The following NRG1 variants were observed in gnomAD, a reference collection of about 807,000 sequenced individuals.
The protein encoded by NRG1 is neuregulin 1.
A neutral mutation model predicts 63.8 loss-of-function variants in NRG1; 18 were observed. The ratio of observed to expected loss-of-function variants is 0.28; its 90% CI spans 0.19 to 0.42. The LOEUF (loss-of-function observed/expected upper bound fraction) is 0.42. Ranked by LOEUF, NRG1 falls within the 10% of genes least tolerant of loss-of-function variation. The pLI is 1.00. For synonymous variants in NRG1, 302 were observed against 301.3 expected (o/e 1.00, Z -0.02); for missense variants, 762 against 814.7 (o/e 0.94, Z 0.79).
At chr8:31,694,552 G>A (rs1809856980) in intron 1 of NRG1, among the ~76,000 whole-genome samples, 2 of 152,124 alleles carry the variant, frequency 1.3e-5, no homozygotes, top group Non-Finnish European at 2.9e-5. Flanking sequence ...TTATAAGGAA[G>A]GCCAATGAGG....
chr8:31,897,660 A>G (rs573627588), intron 1 of NRG1, among the ~76,000 whole-genome samples: 1 of 152,194 alleles, frequency 6.6e-6, no homozygotes, highest in South Asian at 2.1e-4. Flanking sequence ...TGACCCAGAC[A>G]TTCCCTTCTA....
At chr8:31,842,038 C>T (rs367560675) in intron 1 of NRG1, among the ~76,000 whole-genome samples, 11 of 152,334 alleles carry the variant, frequency 7.2e-5, no homozygotes, top group African/African-American at 2.6e-4. Flanking sequence ...ATTGCAGTTG[C>T]ATAGTTTGCA....
At chr8:31,870,586 T>C (rs1354990025) in intron 1 of NRG1, among the ~76,000 whole-genome samples, 14 of 152,286 alleles carry the variant, frequency 9.2e-5, no homozygotes, top group East Asian at 5.8e-4. Context: ...ATTTTAATTA[T>C]GTAGGAAGGA....
intron 1 of NRG1, among the ~76,000 whole-genome samples, chr8:32,321,647 A>G (rs1409627922): frequency 6.6e-6 from 1 of 151,954 alleles, no homozygotes; most frequent in African/African-American, 2.4e-5. Context: ...TAGTGATCTC[A>G]TAACCTCAAA....
At chr8:32,548,764 G>A in exon 1 of NRG1, 3 of 1,590,816 alleles carry the variant, frequency 1.9e-6, no homozygotes, top group Non-Finnish European at 2.6e-6. Context: ...AAAGGGAAGG[G>A]CAAGAAGAAG....
intron 1 of NRG1, among the ~76,000 whole-genome samples, chr8:31,680,510 T>C (rs1298050672): frequency 6.6e-6 from 1 of 151,628 alleles, no homozygotes; most frequent in African/African-American, 2.4e-5. Context: ...ATGGTGTATA[T>C]GTGCCACATT....
At chr8:32,457,266 C>A (rs1821717263) in intron 1 of NRG1, among the ~76,000 whole-genome samples, 1 of 152,218 alleles carries the variant, frequency 6.6e-6, no homozygotes, top group South Asian at 2.1e-4. Context: ...TATAGAACAT[C>A]TACTTTGTCA....
At chr8:32,073,983 A>G (rs550110259) in intron 1 of NRG1, among the ~76,000 whole-genome samples, 2 of 152,294 alleles carry the variant, frequency 1.3e-5, no homozygotes, top group South Asian at 2.1e-4. Flanking sequence ...CAAAAAGTTT[A>G]CTACATTGTA....
At chr8:32,532,064 GC>G (rs1416127210) in intron 1 of NRG1, among the ~76,000 whole-genome samples, 1 of 152,094 alleles carries the variant, frequency 6.6e-6, no homozygotes, top group African/African-American at 2.4e-5. Context: ...TATTAACATA[GC>G]AGGCAGTAAA....
chr8:31,664,179 A>G (rs960010955), intron 1 of NRG1, among the ~76,000 whole-genome samples: 9 of 152,148 alleles, frequency 5.9e-5, no homozygotes, highest in Admixed American at 5.2e-4. Context: ...TCCAACAGGG[A>G]AAGGCAGGCA....
In NRG1 at chr8:32,126,035, G is replaced by A. The variant is rs370792305; in HGVS notation, c.38-469793G>A. Among the ~76,000 whole-genome samples the A allele has an allele frequency of 9.9e-5, 15 of 151,822 alleles. No individual in the cohort carries two copies. In the East Asian group the frequency reaches 1.6e-3, roughly 16 times the overall value. ...TATGGCCCTTTCTAATTCTTCACAT[G>A]CATGCCTTCACTGGACTGCAGACTC... On this transcript the variant is annotated intron_variant, in intron 1 of 10. Coordinates refer to the NRG1 transcript ENST00000519301.
intron 1 of NRG1, among the ~76,000 whole-genome samples, chr8:32,492,389 G>A (rs1826693850): frequency 6.6e-6 from 1 of 150,968 alleles, no homozygotes; most frequent in African/African-American, 2.4e-5. Flanking sequence ...AATACTCCTA[G>A]AATTTTGCTT....
intron 1 of NRG1, among the ~76,000 whole-genome samples, chr8:32,027,401 TTTCCTTCCTTCCCTCCTTCCTTCC>T (rs1817554421): frequency 6.7e-6 from 1 of 148,874 alleles, no homozygotes. Flanking sequence ...TTTTTATAAA[TTTCCTTCCTTCCCTCCTTCCTTCC>T]TTCCTTCCTT....
intron 1 of NRG1, among the ~76,000 whole-genome samples, chr8:32,024,604 C>T (rs1312711313): frequency 6.6e-6 from 1 of 152,148 alleles, no homozygotes; most frequent in African/African-American, 2.4e-5. Context: ...TTCATCTTTA[C>T]CAAGCACCAT....
At chr8:32,334,490 C>G (rs1446001458) in intron 1 of NRG1, among the ~76,000 whole-genome samples, 16 of 152,140 alleles carry the variant, frequency 1.1e-4, no homozygotes, top group Admixed American at 1.0e-3. Context: ...GCCATTATTA[C>G]TATAAGGAAG....
intron 1 of NRG1, among the ~76,000 whole-genome samples, chr8:31,998,928 C>T (rs1812468858): frequency 6.6e-6 from 1 of 151,964 alleles, no homozygotes; most frequent in Admixed American, 6.6e-5. Flanking sequence ...GACTCAAGGG[C>T]AATGCAGATG....
chr8:32,193,496 C>T (rs141820090), intron 1 of NRG1, among the ~76,000 whole-genome samples: 64 of 152,232 alleles, frequency 4.2e-4, no homozygotes, highest in Non-Finnish European at 8.2e-4. Flanking sequence ...ATCCCCAAGT[C>T]ATTTACATTT....
chr8:32,087,782 G>A (rs958692471), intron 1 of NRG1, among the ~76,000 whole-genome samples: 1 of 152,064 alleles, frequency 6.6e-6, no homozygotes, highest in African/African-American at 2.4e-5. Flanking sequence ...TTTCTTTATA[G>A]TAATGCAAAT....
intron 1 of NRG1, among the ~76,000 whole-genome samples, chr8:31,676,890 C>T (rs1416292189): frequency 1.3e-5 from 2 of 152,166 alleles, no homozygotes; most frequent in Non-Finnish European, 2.9e-5. Context: ...TAAGGTAATG[C>T]ATACAAAGTG....
Sources: gnomAD v4.1 joint callset for allele counts (sites outside exome capture counted in the v4.1 genomes callset) on GRCh38, gnomAD v4.1.1 for gene constraint, MANE v1.5 for transcripts, NCBI Gene and HGNC (gene_info 2026-07-23, HGNC 2026-07-21) for gene names.